CD86: variants seen among roughly 807,000 people sequenced by gnomAD.
The protein encoded by CD86 is T-lymphocyte activation antigen CD86.
Under a neutral mutation model 32.1 loss-of-function variants are expected in CD86, and 11 were observed. The ratio of observed to expected loss-of-function variants is 0.34; its 90% CI spans 0.22 to 0.57. The LOEUF (loss-of-function observed/expected upper bound fraction) is 0.57. CD86 is among the 20% of genes least tolerant of loss of function. The pLI is 0.86. For synonymous variants in CD86, 137 were observed against 135.3 expected, an observed-to-expected ratio of 1.01 and a Z score of -0.09; for missense variants, 359 against 398.4, an observed-to-expected ratio of 0.90 and a Z score of 0.84.
chr3:122,111,693 C>T (rs1375127662), intron 5 of CD86, among the ~76,000 whole-genome samples: 1 of 152,214 alleles, frequency 6.6e-6, no homozygotes, highest in African/African-American at 2.4e-5. Flanking sequence ...ATTAGGATCT[C>T]AGTTCTGCAA....
intron 1 of CD86, chr3:122,077,752 A>G (rs2072574266): frequency 2.0e-6 from 2 of 985,328 alleles, no homozygotes; most frequent in African/African-American, 1.7e-5. Flanking sequence ...GTTTGTAGTC[A>G]TTCTCATCAG....
chr3:122,072,596 ATTTG>A (rs1431221049), intron 1 of CD86, among the ~76,000 whole-genome samples: 37 of 152,104 alleles, frequency 2.4e-4, no homozygotes, highest in African/African-American at 8.9e-4. Flanking sequence ...TTTCTTGTAA[ATTTG>A]TTTGAGTTCA....
chr3:122,088,130 C>T (rs1312960936), intron 1 of CD86, among the ~76,000 whole-genome samples: 1 of 150,572 alleles, frequency 6.6e-6, no homozygotes, highest in African/African-American at 2.4e-5. Context: ...TTTTGGTTTG[C>T]AAACCATGAG....
intron 1 of CD86, among the ~76,000 whole-genome samples, chr3:122,073,537 T>C (rs191153190): frequency 6.6e-6 from 1 of 152,304 alleles, no homozygotes; most frequent in Admixed American, 6.5e-5. Context: ...AAAAATACAA[T>C]TTACAGTAGC....
chr3:122,098,033 T>A (rs558064518), intron 2 of CD86, among the ~76,000 whole-genome samples: 45 of 152,356 alleles, frequency 3.0e-4, no homozygotes, highest in African/African-American at 1.1e-3. Context: ...GCACCAAGTC[T>A]GCTGTAGAAA....
chr3:122,079,217 C>T (rs748738587), intron 1 of CD86, among the ~76,000 whole-genome samples: 6 of 152,106 alleles, frequency 3.9e-5, no homozygotes, highest in Non-Finnish European at 7.3e-5. Flanking sequence ...GATTAATTAC[C>T]AAGCCTTTGC....
chr3:122,092,231 G>A (rs958400751), intron 2 of CD86: 2 of 152,378 alleles, frequency 1.3e-5, no homozygotes, highest in Non-Finnish European at 2.9e-5. Context: ...TTATAGTGGA[G>A]CCAATGAAGC....
intron 5 of CD86, among the ~76,000 whole-genome samples, chr3:122,116,537 C>T (rs990745986): frequency 5.3e-5 from 8 of 152,202 alleles, no homozygotes; most frequent in South Asian, 2.1e-4. Flanking sequence ...TACTGCTATA[C>T]AACCCAGAAA....
At chr3:122,077,938 T>G in intron 1 of CD86, 1 of 985,538 alleles carries the variant, frequency 1.0e-6, no homozygotes, top group African/African-American at 1.7e-5. Context: ...TCGCAAATAC[T>G]CCTTTTGGTT....
At chr3:122,087,602 A>G (rs1429731238) in intron 1 of CD86, among the ~76,000 whole-genome samples, 1 of 152,206 alleles carries the variant, frequency 6.6e-6, no homozygotes, top group Non-Finnish European at 1.5e-5. Context: ...GAGTATTTTA[A>G]CATCCTATTA....
intron 1 of CD86, among the ~76,000 whole-genome samples, chr3:122,071,164 C>T (rs116154252): frequency 0.16 from 24,612 of 152,030 alleles, 2,183 homozygotes; most frequent in South Asian, 0.25. Flanking sequence ...TTAAGTTTCT[C>T]TCTTTGGGTT....
chr3:122,055,553 A>C, intron 1 of CD86, 50 bp downstream of exon 1: 1 of 1,560,152 alleles, frequency 6.4e-7, no homozygotes, highest in Admixed American at 1.7e-5. Context: ...TTGTGACTGC[A>C]GTGAAAGGCT....
In CD86 at chr3:122,106,206, A is replaced by G. The variant is rs1361547981; in HGVS notation, c.409A>G (p.Ser137Gly). The change falls in exon 4 of 7, where the codon AGT (serine) becomes GGT (glycine). Residue 137 changes from serine (S) to glycine (G), a missense_variant. Transcript: ENST00000330540. ...NSELSVLANFSQPEIVPISNI... is the reference protein window; with the variant it reads ...NSELSVLANFGQPEIVPISNI... ...CTCTCTTCTGCTTTCAGCTAACTTC[A>G]GTCAACCTGAAATAGTACCAATTTC... The G allele has an allele frequency of 9.4e-6, 15 of 1,597,154 alleles. No homozygotes were observed. The highest frequency in any genetic ancestry group is 1.3e-5 in the Non-Finnish European group (15 of 1,172,154).
intron 3 of CD86, among the ~76,000 whole-genome samples, chr3:122,104,221 C>T (rs938607416): frequency 6.6e-6 from 1 of 152,030 alleles, no homozygotes; most frequent in African/African-American, 2.4e-5. Context: ...TCATTTTTTC[C>T]TTGGGTCCAA....
intron 1 of CD86, among the ~76,000 whole-genome samples, chr3:122,062,209 G>A (rs1416809884): frequency 6.6e-6 from 1 of 152,100 alleles, no homozygotes; most frequent in Non-Finnish European, 1.5e-5. Flanking sequence ...TGGGAGGGTT[G>A]GGAGTAATCA....
chr3:122,116,969 A>G (rs1322646008), intron 5 of CD86, among the ~76,000 whole-genome samples: 2 of 152,228 alleles, frequency 1.3e-5, no homozygotes, highest in Non-Finnish European at 1.5e-5. Context: ...GACTATATAT[A>G]TTCGTTAAAA....
At chr3:122,059,865 G>A (rs777708629) in intron 1 of CD86, among the ~76,000 whole-genome samples, 4 of 152,120 alleles carry the variant, frequency 2.6e-5, no homozygotes, top group East Asian at 1.9e-4. Flanking sequence ...AACACACAGC[G>A]GAAAAGCGGT....
At chr3:122,079,263 T>G (rs1406125104) in intron 1 of CD86, among the ~76,000 whole-genome samples, 1 of 152,210 alleles carries the variant, frequency 6.6e-6, no homozygotes, top group African/African-American at 2.4e-5. Flanking sequence ...TTCTTGAATT[T>G]CATATGCCTC....
At chr3:122,109,513 T>A in intron 5 of CD86, 105 bp downstream of exon 5, 1 of 1,318,450 alleles carries the variant, frequency 7.6e-7, no homozygotes, top group Non-Finnish European at 1.1e-6. Flanking sequence ...TGGCAAAAAG[T>A]CAGGAAGTTG....
Sources: gnomAD v4.1 joint callset for allele counts (sites outside exome capture counted in the v4.1 genomes callset) on GRCh38, gnomAD v4.1.1 for gene constraint, MANE v1.5 for transcripts, NCBI Gene and HGNC (gene_info 2026-07-23, HGNC 2026-07-21) for gene names.